MYT1L: variants seen among roughly 807,000 people sequenced by gnomAD.
MYT1L encodes the protein myelin transcription factor 1-like protein.
In MYT1L, 12 loss-of-function variants were observed where a neutral mutation model predicts 126.7. The ratio of observed to expected loss-of-function variants is 0.09; its 90% CI spans 0.06 to 0.15. The LOEUF is 0.15. Among genes scored for constraint, MYT1L ranks in the 10% least tolerant of loss-of-function variants. MYT1L has a pLI of 1.00. For synonymous variants in MYT1L, 541 were observed against 604.2 expected (o/e 0.90, Z 1.53); for missense variants, 979 against 1,585.2 (o/e 0.62, Z 6.49).
At chr2:2,120,041 T>C (rs1166056423) in intron 3 of MYT1L, among the ~76,000 whole-genome samples, 2 of 152,094 alleles carry the variant, frequency 1.3e-5, no homozygotes, top group Non-Finnish European at 2.9e-5. Flanking sequence ...AGATCAACCT[T>C]AGGAGATTTG....
At chr2:2,242,345 T>A (rs765894890) in intron 2 of MYT1L, among the ~76,000 whole-genome samples, 4 of 152,196 alleles carry the variant, frequency 2.6e-5, no homozygotes, top group Non-Finnish European at 4.4e-5. Context: ...AACAGAGTGA[T>A]GGTTAACAAC....
intron 4 of MYT1L, among the ~76,000 whole-genome samples, chr2:2,033,411 G>A (rs951731103): frequency 5.1e-4 from 77 of 150,386 alleles, no homozygotes; most frequent in African/African-American, 1.9e-3. Flanking sequence ...TCATCCTGTG[G>A]CCCAGAGCAG....
chr2:1,885,382 G>C (rs1422096171), intron 18 of MYT1L: 1 of 152,676 alleles, frequency 6.5e-6, no homozygotes, highest in African/African-American at 2.4e-5. Flanking sequence ...AAGCCCTCCA[G>C]GCGTTTACAT....
chr2:1,855,340 C>T (rs1024145233), intron 18 of MYT1L, among the ~76,000 whole-genome samples: 1 of 152,166 alleles, frequency 6.6e-6, no homozygotes, highest in Non-Finnish European at 1.5e-5. Flanking sequence ...GCCTTTTCCA[C>T]GAAGGAAGCC....
intron 2 of MYT1L, among the ~76,000 whole-genome samples, chr2:2,262,122 C>G (rs1455234835): frequency 6.6e-6 from 1 of 151,998 alleles, no homozygotes; most frequent in Non-Finnish European, 1.5e-5. Context: ...TGTTGAATCC[C>G]AACAGCTAGA....
chr2:2,186,712 C>T (rs1013836078), intron 2 of MYT1L, among the ~76,000 whole-genome samples: 1 of 152,204 alleles, frequency 6.6e-6, no homozygotes, highest in African/African-American at 2.4e-5. Flanking sequence ...TTTGCATAAG[C>T]ATCGCAGAAT....
At chr2:1,959,543 C>T (rs748405482) in intron 8 of MYT1L, among the ~76,000 whole-genome samples, 1 of 152,204 alleles carries the variant, frequency 6.6e-6, no homozygotes, top group Non-Finnish European at 1.5e-5. Context: ...ATGCAAGGTC[C>T]TCCCTCAGCC....
intron 14 of MYT1L, among the ~76,000 whole-genome samples, chr2:1,896,416 A>G (rs2049571606): frequency 6.6e-6 from 1 of 152,248 alleles, no homozygotes; most frequent in South Asian, 2.1e-4. Context: ...TCACAATAGC[A>G]GAGGCACAGA....
chr2:2,038,658 G>C (rs2067163005), intron 4 of MYT1L, among the ~76,000 whole-genome samples: 1 of 151,866 alleles, frequency 6.6e-6, no homozygotes, highest in South Asian at 2.1e-4. Context: ...GACGTTGCTT[G>C]TTTGCTTAGA....
chr2:2,197,800 CAT>C (rs2092882615), intron 2 of MYT1L, among the ~76,000 whole-genome samples: 1 of 147,712 alleles, frequency 6.8e-6, no homozygotes, highest in African/African-American at 2.5e-5. Flanking sequence ...CATATACACA[CAT>C]ATATACACAC....
chr2:1,940,795 A>G (rs2056558195), intron 9 of MYT1L, among the ~76,000 whole-genome samples: 1 of 152,244 alleles, frequency 6.6e-6, no homozygotes, highest in Non-Finnish European at 1.5e-5. Context: ...CCTCTTCACA[A>G]GTGTTTGCTT....
intron 2 of MYT1L, among the ~76,000 whole-genome samples, chr2:2,186,424 A>G (rs1248565332): frequency 6.6e-6 from 1 of 152,230 alleles, no homozygotes; most frequent in Admixed American, 6.5e-5. Flanking sequence ...TTTGAAGCCA[A>G]GATAGCGTGC....
chr2:2,163,575 A>C (rs902743793), intron 3 of MYT1L, among the ~76,000 whole-genome samples: 2 of 151,650 alleles, frequency 1.3e-5, no homozygotes, highest in African/African-American at 4.8e-5. Flanking sequence ...AATACAAAAA[A>C]AAAAAAATTA....
At chr2:1,955,209 A>AG (rs1021063574) in intron 8 of MYT1L, among the ~76,000 whole-genome samples, 1 of 147,148 alleles carries the variant, frequency 6.8e-6, no homozygotes, top group African/African-American at 2.7e-5. Flanking sequence ...AAGAAAATGC[A>AG]GAAAAAAAAA....
At chr2:2,325,481 A>C (rs1283770860) in intron 1 of MYT1L, 1 of 152,238 alleles carries the variant, frequency 6.6e-6, no homozygotes, top group African/African-American at 2.4e-5. Context: ...ACAAGTCCTA[A>C]TATGGTTTTT....
intron 2 of MYT1L, among the ~76,000 whole-genome samples, chr2:2,193,487 T>A (rs2092681793): frequency 1.3e-5 from 2 of 152,196 alleles, no homozygotes; most frequent in African/African-American, 4.8e-5. Context: ...GGATTTGGGC[T>A]TTTTGGCTTC....
intron 2 of MYT1L, among the ~76,000 whole-genome samples, chr2:2,257,540 G>A (rs13420563): frequency 0.12 from 18,305 of 152,200 alleles, 1,246 homozygotes; most frequent in Non-Finnish European, 0.16. Context: ...GAGCTCTAAC[G>A]CACAGCATGG....
chr2:2,309,258 A>G (rs947972555), intron 1 of MYT1L, among the ~76,000 whole-genome samples: 1 of 150,166 alleles, frequency 6.7e-6, no homozygotes, highest in African/African-American at 2.5e-5. Context: ...ACTGTTCTCT[A>G]TCTATACTCC....
intron 2 of MYT1L, among the ~76,000 whole-genome samples, chr2:2,193,381 T>C (rs1183510791): frequency 6.6e-6 from 1 of 152,180 alleles, no homozygotes; most frequent in Non-Finnish European, 1.5e-5. Context: ...TAGTTATGAA[T>C]CACAGAAATG....
Sources: gnomAD v4.1 joint callset for allele counts (sites outside exome capture counted in the v4.1 genomes callset) on GRCh38, gnomAD v4.1.1 for gene constraint, MANE v1.5 for transcripts, NCBI Gene and HGNC (gene_info 2026-07-23, HGNC 2026-07-21) for gene names.